ASCC1: variants seen among roughly 807,000 people sequenced by gnomAD.
ASCC1 encodes the protein ASC-1 complex subunit P50.
A neutral mutation model predicts 46.6 loss-of-function variants in ASCC1; 35 were observed. The ratio of observed to expected loss-of-function variants is 0.75; its 90% confidence interval spans 0.57 to 0.99. The LOEUF (loss-of-function observed/expected upper bound fraction) is 0.99. ASCC1 is among the 50% of genes least tolerant of loss of function. The pLI is 0.00. For synonymous variants in ASCC1, 143 were observed against 146.6 expected, an observed-to-expected ratio of 0.98 and a Z score of 0.18; for missense variants, 376 against 428.7, an observed-to-expected ratio of 0.88 and a Z score of 1.09.
chr10:72,156,073 G>A (rs1160468539), intron 6 of ASCC1, among the ~76,000 whole-genome samples: 1 of 152,204 alleles, frequency 6.6e-6, no homozygotes, highest in Non-Finnish European at 1.5e-5. Context: ...AATGTTGGAG[G>A]TGGGGCCTAG....
chr10:72,165,668 T>C (rs1344505415), intron 5 of ASCC1, among the ~76,000 whole-genome samples: 1 of 152,242 alleles, frequency 6.6e-6, no homozygotes, highest in Non-Finnish European at 1.5e-5. Context: ...TATTTTTACA[T>C]CTGATGAAAA....
chr10:72,112,787 G>A (rs1407045534), intron 9 of ASCC1, among the ~76,000 whole-genome samples: 3 of 147,462 alleles, frequency 2.0e-5, no homozygotes, highest in African/African-American at 7.6e-5. Flanking sequence ...GCTGAAGCAC[G>A]AGAATCACTT....
At position 72,097,427 on chromosome 10, in the gene ASCC1, G is replaced by T. The variant is rs1841211051; in HGVS notation, c.981C>A (p.Gly327=). Residue 327 remains glycine, a synonymous_variant, in exon 10 of 10, where the codon GGC becomes GGA. Coordinates refer to ENST00000672957, the MANE Select transcript of ASCC1 (RefSeq NM_001198800.3). The stretch of plus-strand genomic sequence containing the variant: ...TGTGAATTGAATTCAGCTTTAGGGA[G>T]CCAAAGTAGAAGTTCTCAAACAACT... ...ILKLFENFYF[G]SLKLNSIHIS... is the part of the protein sequence containing the mutation. 1 of 1,612,660 alleles carries T rather than the reference G, an allele frequency of 6.2e-7. No individual in the cohort carries two copies. The highest frequency in any genetic ancestry group is 8.5e-7 in the Non-Finnish European group (1 of 1,178,752).
intron 3 of ASCC1, among the ~76,000 whole-genome samples, chr10:72,204,816 C>T (rs2133395547): frequency 6.6e-6 from 1 of 152,254 alleles, no homozygotes; most frequent in East Asian, 1.9e-4. Flanking sequence ...TTGTAGGGCA[C>T]CAAACTCTGT....
intron 6 of ASCC1, 62 bp from the exon 7 acceptor site, chr10:72,153,050 T>C: frequency 1.9e-6 from 3 of 1,601,740 alleles, no homozygotes; most frequent in East Asian, 2.2e-5. Context: ...TATTTTATTT[T>C]GAAACATGGT....
chr10:72,172,145 G>A (rs1418508168), intron 5 of ASCC1, among the ~76,000 whole-genome samples: 1 of 152,084 alleles, frequency 6.6e-6, no homozygotes, highest in African/African-American at 2.4e-5. Context: ...GCTGGGTGCA[G>A]TGGCTCACGC....
intron 6 of ASCC1, among the ~76,000 whole-genome samples, chr10:72,158,157 G>C (rs554373529): frequency 7.9e-5 from 12 of 152,314 alleles, no homozygotes; most frequent in Middle Eastern, 3.4e-3. Context: ...GGAGATGAAA[G>C]AGCAGGATAG....
rs1321461119 is a variant in ASCC1, at chr10:72,097,199, T to C, written c.*135A>G. ...CGGGTGTAGACACCATTAGAGGCAA[T>C]GGTGAATCTATGGGGAACCACCCAG... On this transcript the variant is annotated 3_prime_UTR_variant, in exon 10 of 10. Coordinates refer to ENST00000672957, the MANE Select transcript of ASCC1 (RefSeq NM_001198800.3). 1 of 752,842 alleles carries C rather than the reference T, an allele frequency of 1.3e-6. No homozygotes were observed. The highest frequency in any genetic ancestry group is 2.5e-6 in the Non-Finnish European group (1 of 406,556). 46.6% of individuals were successfully genotyped at this position (752,842 alleles called of 1,614,324 possible).
chr10:72,107,879 T>C (rs928716406), intron 9 of ASCC1, among the ~76,000 whole-genome samples: 2 of 152,144 alleles, frequency 1.3e-5, no homozygotes, highest in Non-Finnish European at 2.9e-5. Context: ...TGATTATAGA[T>C]TAGCCTTTTT....
chr10:72,154,761 G>C (rs1262820287), intron 6 of ASCC1, among the ~76,000 whole-genome samples: 3 of 152,038 alleles, frequency 2.0e-5, no homozygotes, highest in Admixed American at 6.6e-5. Flanking sequence ...CAAAGTGCTG[G>C]GATTACAGGC....
chr10:72,147,948 A>G (rs1778485125), intron 7 of ASCC1, among the ~76,000 whole-genome samples: 1 of 152,210 alleles, frequency 6.6e-6, no homozygotes, highest in Non-Finnish European at 1.5e-5. Flanking sequence ...TAGGGAGTCC[A>G]TAGGTCAAAA....
intron 8 of ASCC1, among the ~76,000 whole-genome samples, chr10:72,131,439 T>TATACAC (rs1554828311): frequency 5.7e-5 from 8 of 139,322 alleles, no homozygotes; most frequent in African/African-American, 2.2e-4. Context: ...AAAATAAAAA[T>TATACAC]ACACACACAC....
chr10:72,208,714 C>A (rs1293225801), intron 3 of ASCC1, among the ~76,000 whole-genome samples: 1 of 151,984 alleles, frequency 6.6e-6, no homozygotes, highest in Non-Finnish European at 1.5e-5. Context: ...GAGCCAAGAT[C>A]ATGCCACTGC....
chr10:72,208,398 T>C (rs1011350116), intron 3 of ASCC1, among the ~76,000 whole-genome samples: 20 of 151,934 alleles, frequency 1.3e-4, no homozygotes, highest in African/African-American at 4.1e-4. Flanking sequence ...TAGAGCCTGA[T>C]TTGGTCATAT....
chr10:72,112,045 A>G (rs533465104), intron 9 of ASCC1, among the ~76,000 whole-genome samples: 5 of 152,210 alleles, frequency 3.3e-5, no homozygotes, highest in Non-Finnish European at 7.4e-5. Flanking sequence ...TTGGAATAAC[A>G]CTTAGCCATT....
intron 1 of ASCC1, among the ~76,000 whole-genome samples, chr10:72,214,679 CTCTT>C (rs1052955319): frequency 1.4e-4 from 21 of 151,920 alleles, no homozygotes; most frequent in African/African-American, 2.4e-4. Flanking sequence ...GCCCAGCAAA[CTCTT>C]TCTATCTAGC....
At chr10:72,114,861 C>A (rs994398652) in intron 9 of ASCC1, among the ~76,000 whole-genome samples, 1 of 151,740 alleles carries the variant, frequency 6.6e-6, no homozygotes, top group African/African-American at 2.4e-5. Context: ...TTTTAAAGGC[C>A]AGGAGGCCAC....
At chr10:72,166,406 C>T (rs1176935756) in intron 5 of ASCC1, among the ~76,000 whole-genome samples, 1 of 151,700 alleles carries the variant, frequency 6.6e-6, no homozygotes, top group Admixed American at 6.6e-5. Flanking sequence ...AGTTCAAGAC[C>T]AGCCTGGGCA....
intron 7 of ASCC1, among the ~76,000 whole-genome samples, chr10:72,147,800 G>A (rs1847825275): frequency 6.6e-6 from 1 of 152,112 alleles, no homozygotes; most frequent in South Asian, 2.1e-4. Context: ...TAAGCACCGT[G>A]CCAGGCAAGA....
Sources: allele counts gnomAD v4.1 joint callset (sites outside exome capture counted in the v4.1 genomes callset), GRCh38; gene constraint gnomAD v4.1.1; transcripts MANE v1.5; gene names NCBI Gene and HGNC (gene_info 2026-07-23, HGNC 2026-07-21).